BAZ2B: variants seen among roughly 807,000 people sequenced by gnomAD.
The protein encoded by BAZ2B is bromodomain adjacent to zinc finger domain protein 2B.
A neutral mutation model predicts 246.0 loss-of-function variants in BAZ2B; 91 were observed. That is an observed-to-expected ratio of 0.37 (90% CI 0.31 to 0.44). BAZ2B has a LOEUF of 0.44. Among genes scored for constraint, BAZ2B ranks in the 20% least tolerant of loss-of-function variants. The pLI is 1.00. For synonymous variants in BAZ2B, 855 were observed against 860.0 expected (o/e 0.99, Z 0.10); for missense variants, 2,332 against 2,533.7 (o/e 0.92, Z 1.71).
At chr2:159,542,555 TGA>T (rs2086788288) in intron 2 of BAZ2B, among the ~76,000 whole-genome samples, 1 of 152,130 alleles carries the variant, frequency 6.6e-6, no homozygotes, top group Admixed American at 6.5e-5. Flanking sequence ...GAGGATTGCT[TGA>T]ACCCAGGAGT....
chr2:159,347,360 G>A lies in BAZ2B; in HGVS notation c.5454+126C>T, dbSNP rs144184244. The stretch of plus-strand genomic sequence containing the variant: ...AGATGGGGCAAATTAATCCAGGATT[G>A]TTTTCAGAATTAAATGAGACAAAAT... On this transcript the variant is annotated intron_variant, in intron 31 of 36. Coordinates refer to ENST00000392783, the MANE Select transcript of BAZ2B (RefSeq NM_013450.4). 2.9e-3 allele frequency: 3,284 copies of A among 1,135,786 alleles called. 8 individuals carry two copies. Among genetic ancestry groups the A allele is most frequent in the Admixed American group, 4.8e-3 (209 of 43,458 alleles). The allele number at this position is 1,135,786 out of a possible 1,614,324, so 70.4% of individuals were successfully genotyped here.
At chr2:159,657,106 T>C in the BAZ2B span, among the ~76,000 whole-genome samples, 1 of 152,098 alleles carries the variant, frequency 6.6e-6, no homozygotes, top group Non-Finnish European at 1.5e-5. Context: ...CATCCAGGAG[T>C]TTTACAGTTT....
chr2:159,569,309 T>C (rs755716856), intron 1 of BAZ2B, among the ~76,000 whole-genome samples: 184 of 152,282 alleles, frequency 1.2e-3, no homozygotes, highest in Non-Finnish European at 3.4e-4. Context: ...CTATTCAAGA[T>C]GAAACAATGA....
At chr2:159,520,865 TC>T in intron 2 of BAZ2B, among the ~76,000 whole-genome samples, 1 of 152,290 alleles carries the variant, frequency 6.6e-6, no homozygotes, top group East Asian at 1.9e-4. Context: ...ACAATTTTCA[TC>T]CAATACAGTT....
intron 33 of BAZ2B, 198 bp from the exon 34 acceptor site, chr2:159,332,884 G>A: frequency 1.7e-6 from 1 of 582,392 alleles, no homozygotes; most frequent in Non-Finnish European, 2.9e-6. Context: ...GTTCTATTGG[G>A]GTAAATGCAC....
intron 2 of BAZ2B, among the ~76,000 whole-genome samples, chr2:159,501,191 T>G: frequency 9.6e-6 from 1 of 104,486 alleles, no homozygotes; most frequent in East Asian, 2.4e-4. Flanking sequence ...TATTTATATA[T>G]AATATATATA....
chr2:159,504,204 C>T (rs183835440), intron 2 of BAZ2B, among the ~76,000 whole-genome samples: 7 of 151,750 alleles, frequency 4.6e-5, no homozygotes, highest in African/African-American at 1.7e-4. Context: ...GGTACATGTG[C>T]ACAATGTGCA....
chr2:159,449,033 T>C (rs941421150), intron 4 of BAZ2B, among the ~76,000 whole-genome samples: 5 of 152,134 alleles, frequency 3.3e-5, no homozygotes, highest in African/African-American at 1.2e-4. Flanking sequence ...ATATTAAAGA[T>C]TTATAAAGCC....
rs945145655 is a variant in BAZ2B, at chr2:159,320,260, T to C, written c.*5A>G. 3.3e-6 allele frequency: 5 copies of C among 1,533,368 alleles called. No individual in the cohort carries two copies. In the East Asian group the frequency reaches 7.4e-5, roughly 23 times the overall value. 95.0% of individuals were successfully genotyped at this position (1,533,368 alleles called of 1,614,324 possible). ...AAGGAAAAAAATAAAGAGATTATTA[T>C]AACTTCAGCTCACTTTGAAAGTATC... On this transcript the variant is annotated 3_prime_UTR_variant, in exon 37 of 37. Coordinates refer to ENST00000392783, the MANE Select transcript of BAZ2B (RefSeq NM_013450.4).
intron 1 of BAZ2B, among the ~76,000 whole-genome samples, chr2:159,610,619 A>C (rs937113364): frequency 6.6e-6 from 1 of 152,186 alleles, no homozygotes; most frequent in Non-Finnish European, 1.5e-5. Flanking sequence ...GCACAACACA[A>C]AATTAGTAAA....
chr2:159,555,110 T>TA (rs2088918989), intron 2 of BAZ2B, among the ~76,000 whole-genome samples: 2 of 145,110 alleles, frequency 1.4e-5, no homozygotes, highest in Admixed American at 6.8e-5. Flanking sequence ...TTTTTTTTTT[T>TA]AGAGATGGAG....
intron 2 of BAZ2B, among the ~76,000 whole-genome samples, chr2:159,524,014 C>T (rs1007312157): frequency 1.3e-5 from 2 of 152,054 alleles, no homozygotes; most frequent in African/African-American, 4.8e-5. Flanking sequence ...TAATATGTTT[C>T]TATAAACTAT....
chr2:159,695,744 TTTTTTTA>T, the BAZ2B span, among the ~76,000 whole-genome samples: 287 of 152,176 alleles, frequency 1.9e-3, no homozygotes, highest in Admixed American at 4.6e-3. Context: ...TCTATATATC[TTTTTTTA>T]TTTTTTATTT....
Position 159,555,814 on chromosome 2 carries a change from TG to T in BAZ2B, c.-3+8del, listed in dbSNP as rs2089034097. ...TTCCTTAAAAGCTTAACTATCATTT[TG>T]GTCTTACTGTGATCAATGTGGTCAA... On this transcript the variant is annotated splice_region_variant and intron_variant, in intron 2 of 36. Coordinates refer to ENST00000392783, the MANE Select transcript of BAZ2B (RefSeq NM_013450.4). 7.2e-6 allele frequency: 1 copy of T among 138,714 alleles called. No homozygotes were observed. The highest frequency in any genetic ancestry group is 1.5e-5 in the Non-Finnish European group (1 of 65,350). The allele number at this position is 138,714 out of a possible 1,614,324, so 8.6% of individuals were successfully genotyped here.
chr2:159,438,315 C>G lies in BAZ2B; in HGVS notation c.1281G>C (p.Leu427Phe). 1.9e-6 allele frequency: 3 copies of G among 1,612,922 alleles called. No individual in the cohort carries two copies. The highest frequency in any genetic ancestry group is 2.5e-6 in the Non-Finnish European group (3 of 1,179,654). The change falls in exon 8 of 37, where the codon TTG becomes TTC. Residue 427 changes from leucine to phenylalanine, a missense_variant. Coordinates refer to ENST00000392783, the MANE Select transcript of BAZ2B (RefSeq NM_013450.4). Reference sequence around the variant, plus strand: ...ATTTGTAACTCACCCGTTTGGATCTCAATTCACTGGTCAATAAACTAGATT... The same window carrying G: ...ATTTGTAACTCACCCGTTTGGATCTGAATTCACTGGTCAATAAACTAGATT... ...SEESSLLTSE[L>F]RSKREQYKQA... is the part of the protein sequence containing the mutation.
At chr2:159,449,266 T>C (rs1195484162) in intron 4 of BAZ2B, among the ~76,000 whole-genome samples, 1 of 152,120 alleles carries the variant, frequency 6.6e-6, no homozygotes, top group Admixed American at 6.6e-5. Flanking sequence ...TATTGACCCA[T>C]CTAAAATCTC....
chr2:159,585,429 A>C (rs1687812776), intron 1 of BAZ2B, among the ~76,000 whole-genome samples: 1 of 152,374 alleles, frequency 6.6e-6, no homozygotes, highest in South Asian at 2.1e-4. Flanking sequence ...AGACACATAA[A>C]AAAATATGGC....
intron 1 of BAZ2B, among the ~76,000 whole-genome samples, chr2:159,611,958 G>A (rs1372081561): frequency 6.6e-6 from 1 of 151,686 alleles, no homozygotes; most frequent in African/African-American, 2.4e-5. Flanking sequence ...AGGCACCAAT[G>A]GGATGACACC....
chr2:159,594,186 C>T (rs956861474), intron 1 of BAZ2B, among the ~76,000 whole-genome samples: 9 of 152,314 alleles, frequency 5.9e-5, no homozygotes, highest in African/African-American at 2.2e-4. Flanking sequence ...GGCGGCCTAC[C>T]TTGTGGTCAG....
Sources: gnomAD v4.1 joint callset for allele counts (sites outside exome capture counted in the v4.1 genomes callset) on GRCh38, gnomAD v4.1.1 for gene constraint, MANE v1.5 for transcripts, NCBI Gene and HGNC (gene_info 2026-07-23, HGNC 2026-07-21) for gene names.